DGKD: variants seen among roughly 807,000 people sequenced by gnomAD.
DGKD encodes DAG kinase delta.
DGKD carries 68 observed loss-of-function variants against 154.4 expected under a neutral mutation model. The ratio of observed to expected loss-of-function variants is 0.44; its 90% CI spans 0.36 to 0.54. The LOEUF is 0.54. Among genes scored for constraint, DGKD ranks in the 20% least tolerant of loss-of-function variants. The pLI is 0.00. For synonymous variants in DGKD, 693 were observed against 638.0 expected (o/e 1.09, Z -1.30); for missense variants, 1,343 against 1,593.6 (o/e 0.84, Z 2.68).
rs564763642 is a variant in DGKD at position 233,403,132 on chromosome 2, G to A, written c.348+12649G>A. Among the ~76,000 whole-genome samples, 10 of 152,280 alleles carry A rather than the reference G, an allele frequency of 6.6e-5. No individual in the cohort carries two copies. The South Asian group carries it at 2.1e-3, about 32-fold the overall frequency. ...GTCGGGGACATCCAGGAAATAGGTG[G>A]TAGGAGTGTCTGTTCATGTGACACA... On this transcript the variant is annotated intron_variant, in intron 3 of 29. Transcript: ENST00000264057.
At chr2:233,402,758 A>G (rs1261365968) in intron 3 of DGKD, among the ~76,000 whole-genome samples, 1 of 152,222 alleles carries the variant, frequency 6.6e-6, no homozygotes, top group Non-Finnish European at 1.5e-5. Context: ...GTCATTTGAC[A>G]AGTAAGGCAT....
At chr2:233,423,820 T>C (rs1365529981) in intron 3 of DGKD, among the ~76,000 whole-genome samples, 1 of 152,138 alleles carries the variant, frequency 6.6e-6, no homozygotes, top group Non-Finnish European at 1.5e-5. Flanking sequence ...ACCCCCCCAG[T>C]ATCCATCACT....
At chr2:233,390,632 A>C (rs1703537212) in intron 3 of DGKD, 149 bp downstream of exon 3, 1 of 639,790 alleles carries the variant, frequency 1.6e-6, no homozygotes, top group Admixed American at 3.1e-5. Context: ...TAATGCTGAA[A>C]GTAATACTGT....
chr2:233,380,230 G>A (rs968549720), intron 1 of DGKD, among the ~76,000 whole-genome samples: 2 of 152,184 alleles, frequency 1.3e-5, no homozygotes, highest in Admixed American at 1.3e-4. Context: ...AAGAGGAAAC[G>A]TGGGGGTCAG....
Position 233,457,688 on chromosome 2 carries a change from A to G in DGKD, c.2580+360A>G, listed in dbSNP as rs1346297198. 1 of 426,274 alleles carries G rather than the reference A, an allele frequency of 2.3e-6. No individual in the cohort carries two copies. Among genetic ancestry groups the G allele is most frequent in the African/African-American group, 2.0e-5 (1 of 49,680 alleles). 26.4% of individuals were successfully genotyped at this position (426,274 alleles called of 1,614,324 possible). A position where few individuals can be genotyped will look rare whatever the true frequency, so the allele number is the denominator to read the frequency against. ...GGGGGAGGCTGTTCCAGGCAGAGAG[A>G]ATTGCACAGATGAAGGCTCAGAGTC... On this transcript the variant is annotated intron_variant, in intron 21 of 29. Coordinates refer to ENST00000264057, the MANE Select transcript of DGKD (RefSeq NM_152879.3). The surrounding 1 kb of genome is among the most constrained non-coding windows in gnomAD (Gnocchi z 5.5).
chr2:233,375,286 G>A (rs757089616), intron 1 of DGKD, among the ~76,000 whole-genome samples: 3 of 151,766 alleles, frequency 2.0e-5, no homozygotes, highest in Non-Finnish European at 4.4e-5. Context: ...ATGAGACTCT[G>A]TCTCAAAAAA....
chr2:233,455,124 C>A (rs888912368), intron 19 of DGKD, among the ~76,000 whole-genome samples: 4 of 152,324 alleles, frequency 2.6e-5, no homozygotes, highest in East Asian at 1.9e-4. Flanking sequence ...ATTGGAATGG[C>A]GGCATCTCTT....
rs143460843 is a variant in DGKD, at chr2:233,377,899, G to A, written c.157-10358G>A. Among the ~76,000 whole-genome samples the A allele has an allele frequency of 1.5e-3, 235 of 152,156 alleles. 1 individual carries two copies. The highest frequency in any genetic ancestry group is 3.8e-3 in the Admixed American group (58 of 15,270). Reference sequence around the variant, plus strand: ...GATCACAGCTCACCGCAGCAGCCTCGACCTCTTGGGCTCAGGTGATCCTCC... The same window carrying A: ...GATCACAGCTCACCGCAGCAGCCTCAACCTCTTGGGCTCAGGTGATCCTCC... On this transcript the variant is annotated intron_variant, in intron 1 of 29. Coordinates refer to ENST00000264057, the MANE Select transcript of DGKD (RefSeq NM_152879.3).
At chr2:233,442,102 C>T (rs115670473) in intron 10 of DGKD, 107 bp downstream of exon 10, 72 of 1,047,428 alleles carry the variant, frequency 6.9e-5, no homozygotes, top group Non-Finnish European at 9.7e-5. Context: ...GTTCTCAGGC[C>T]AGAAACCATT....
chr2:233,458,489 G>A lies in DGKD; in HGVS notation c.2694+92G>A, dbSNP rs1023114842. On this transcript the variant is annotated intron_variant, in intron 22 of 29. Coordinates refer to ENST00000264057, the MANE Select transcript of DGKD (RefSeq NM_152879.3). The surrounding 1 kb of genome is among the most constrained non-coding windows in gnomAD (Gnocchi z 6.6). ...GTGCATGGAGCCTGGGAGGGTGGGC[G>A]CTTTCCAGGGCCATGTGGCTGCCTC... 5.8e-5 allele frequency: 53 copies of A among 921,240 alleles called. No homozygotes were observed. The highest frequency in any genetic ancestry group is 2.0e-4 in the African/African-American group (12 of 61,354). The allele number at this position is 921,240 out of a possible 1,614,324, so 57.1% of individuals were successfully genotyped here.
intron 1 of DGKD, chr2:233,379,715 T>G (rs1282614353): frequency 6.6e-6 from 1 of 152,230 alleles, no homozygotes; most frequent in African/African-American, 2.4e-5. Flanking sequence ...AGGAACCACC[T>G]GGGCTCTTGG....
intron 1 of DGKD, among the ~76,000 whole-genome samples, chr2:233,358,631 T>A (rs1701634950): frequency 1.3e-5 from 2 of 152,240 alleles, no homozygotes; most frequent in Non-Finnish European, 2.9e-5. Flanking sequence ...CTGATTCTGG[T>A]CATTTTACAT....
intron 3 of DGKD, among the ~76,000 whole-genome samples, chr2:233,421,901 A>G (rs2062129311): frequency 6.6e-6 from 1 of 152,252 alleles, no homozygotes; most frequent in South Asian, 2.1e-4. Flanking sequence ...CTGAGGAAGA[A>G]AGAAAGAATT....
At chr2:233,444,869 A>G (rs2063013855) in intron 10 of DGKD, among the ~76,000 whole-genome samples, 1 of 3,018 alleles carries the variant, frequency 3.3e-4, no homozygotes, top group Non-Finnish European at 7.6e-4. Context: ...CTCCCCACAC[A>G]CTCCACCGCA....
chr2:233,462,235 C>G, intron 24 of DGKD, 113 bp from the exon 25 acceptor site: 1 of 796,022 alleles, frequency 1.3e-6, no homozygotes, highest in African/African-American at 1.7e-5. Context: ...CCTGCTGGGC[C>G]TGCCCTCCAC....
intron 3 of DGKD, among the ~76,000 whole-genome samples, chr2:233,432,263 C>T (rs537262857): frequency 3.9e-4 from 36 of 92,418 alleles, no homozygotes; most frequent in Non-Finnish European, 6.7e-4. Flanking sequence ...TGGTTGCTCA[C>T]GCCTGTAATC....
chr2:233,367,862 T>C (rs1034836380), intron 1 of DGKD, among the ~76,000 whole-genome samples: 3 of 149,352 alleles, frequency 2.0e-5, no homozygotes, highest in Non-Finnish European at 3.0e-5. Context: ...TTTTTTTTTT[T>C]TTTTTTTTAA....
intron 1 of DGKD, among the ~76,000 whole-genome samples, chr2:233,378,121 T>C (rs1356495710): frequency 6.8e-6 from 1 of 147,886 alleles, no homozygotes; most frequent in Non-Finnish European, 1.5e-5. Flanking sequence ...TTTTTTTTTT[T>C]CTAAATTTGA....
chr2:233,357,569 A>G (rs1701585990), intron 1 of DGKD, among the ~76,000 whole-genome samples: 1 of 138,164 alleles, frequency 7.2e-6, no homozygotes, highest in South Asian at 2.2e-4. Context: ...ACAAGGTCTC[A>G]CTTTGTCACC....
Sources: gnomAD v4.1 joint callset for allele counts (sites outside exome capture counted in the v4.1 genomes callset) on GRCh38, gnomAD v4.1.1 for gene constraint, Gnocchi (gnomAD v3.1) non-coding constraint, MANE v1.5 for transcripts, NCBI Gene and HGNC (gene_info 2026-07-23, HGNC 2026-07-21) for gene names.